Variants in ERBB4 observed in about 807,000 individuals in gnomAD.
ERBB4 encodes erb-b2 receptor tyrosine kinase 4, also known as receptor tyrosine-protein kinase erbB-4.
A neutral mutation model predicts 158.0 loss-of-function variants in ERBB4; 42 were observed. The ratio of observed to expected loss-of-function variants is 0.27; its 90% CI spans 0.21 to 0.34. The LOEUF (loss-of-function observed/expected upper bound fraction) is 0.34, where lower values mean the gene tolerates loss of function less well. ERBB4 is among the 10% of genes least tolerant of loss of function. The pLI, the probability that ERBB4 is intolerant of heterozygous loss-of-function variation, is 1.00. For synonymous variants in ERBB4, 583 were observed against 558.7 expected (o/e 1.04, Z -0.61); for missense variants, 1,333 against 1,624.1 (o/e 0.82, Z 3.08).
intron 2 of ERBB4, among the ~76,000 whole-genome samples, chr2:212,053,021 T>C (rs2077445654): frequency 6.6e-6 from 1 of 152,062 alleles, no homozygotes; most frequent in South Asian, 2.1e-4. Flanking sequence ...CTATAGCTTT[T>C]CTCCAACAGT....
At chr2:211,918,403 T>C (rs2079761114) in intron 3 of ERBB4, among the ~76,000 whole-genome samples, 1 of 152,132 alleles carries the variant, frequency 6.6e-6, no homozygotes. Context: ...CAGTTTCCAT[T>C]AGAAACTGGT....
In ERBB4 at chr2:211,579,442, T is replaced by C. The variant is rs116974344; in HGVS notation, c.2302-17354A>G. ...ATACCATTTGAGCCAGCAATTCCAT[T>C]ACTGGGTATGTACCTAAAGGAATAT... On this transcript the variant is annotated intron_variant, in intron 19 of 27. Coordinates refer to ENST00000342788, the MANE Select transcript of ERBB4 (RefSeq NM_005235.3). Among the ~76,000 whole-genome samples, 83 of 152,272 alleles carry C rather than the reference T, an allele frequency of 5.5e-4. 2 individuals are homozygous for C. The East Asian group carries it at 0.016, about 29-fold the overall frequency.
At chr2:211,907,633 T>C (rs562139970) in intron 3 of ERBB4, among the ~76,000 whole-genome samples, 2 of 151,764 alleles carry the variant, frequency 1.3e-5, no homozygotes, top group Non-Finnish European at 1.5e-5. Flanking sequence ...TGGTGCTGAA[T>C]ACTATGAGCT....
intron 4 of ERBB4, among the ~76,000 whole-genome samples, chr2:211,780,464 C>A (rs1341219703): frequency 6.6e-6 from 1 of 152,150 alleles, no homozygotes; most frequent in Non-Finnish European, 1.5e-5. Flanking sequence ...AACTAAGAGA[C>A]AAGAAAACCA....
At chr2:212,164,291 A>AT (rs200100170) in intron 1 of ERBB4, among the ~76,000 whole-genome samples, 450 of 73,988 alleles carry the variant, frequency 6.1e-3, no homozygotes, top group Middle Eastern at 0.015. Flanking sequence ...GACGTATGAT[A>AT]TTTTTAAAAA....
chr2:212,132,287 A>T (rs538562547), intron 1 of ERBB4, among the ~76,000 whole-genome samples: 1 of 152,180 alleles, frequency 6.6e-6, no homozygotes, highest in Non-Finnish European at 1.5e-5. Flanking sequence ...AAGGAGATGC[A>T]TATGGGTGCT....
intron 2 of ERBB4, among the ~76,000 whole-genome samples, chr2:212,065,783 A>G (rs1054977333): frequency 1.2e-4 from 18 of 152,084 alleles, no homozygotes; most frequent in Non-Finnish European, 2.2e-4. Flanking sequence ...GGAACGGAGT[A>G]CAGTCACTTT....
intron 3 of ERBB4, among the ~76,000 whole-genome samples, chr2:211,939,492 G>T (rs562660737): frequency 1.3e-5 from 2 of 152,084 alleles, no homozygotes; most frequent in South Asian, 4.1e-4. Flanking sequence ...CGCTGGAAGA[G>T]AACAACATGT....
chr2:211,519,549 T>C (rs1057043250), intron 20 of ERBB4, among the ~76,000 whole-genome samples: 1 of 152,048 alleles, frequency 6.6e-6, no homozygotes, highest in Admixed American at 6.6e-5. Context: ...AAAGCAAAAG[T>C]GGTTCATATT....
chr2:211,958,776 T>G lies in ERBB4; in HGVS notation c.235-11160A>C, dbSNP rs1035155269. ...AAGAATAACATTCTCTTTCTAAGGT[T>G]TATTTATGAGAAAAATATTAGCTAA... is the stretch of plus-strand genomic sequence containing the variant. On this transcript the variant is annotated intron_variant, in intron 2 of 27. Transcript: ENST00000342788. Among the ~76,000 whole-genome samples the G allele has an allele frequency of 3.9e-5, 6 of 152,234 alleles. No individual in the cohort carries two copies. In the East Asian group the frequency reaches 5.8e-4, roughly 15 times the overall value.
intron 1 of ERBB4, among the ~76,000 whole-genome samples, chr2:212,176,796 C>T (rs759772630): frequency 2.6e-5 from 4 of 151,796 alleles, no homozygotes; most frequent in East Asian, 1.9e-4. Flanking sequence ...GATCCATCTA[C>T]GTGTATGTAT....
intron 4 of ERBB4, among the ~76,000 whole-genome samples, chr2:211,783,157 T>G: frequency 6.6e-6 from 1 of 152,212 alleles, no homozygotes; most frequent in Non-Finnish European, 1.5e-5. Flanking sequence ...CACCATGATT[T>G]GGCTCTCTGT....
At position 212,003,256 on chromosome 2, in the gene ERBB4, G is replaced by GGAAGGAAGGAAA. The variant is rs1553533251; in HGVS notation, c.235-55641_235-55640insTTTCCTTCCTTC. Reference sequence around the variant, plus strand: ...AGGAAGGAAGGAAGGAAGGAAGGAAGGAAAGAGAGAGAAAGACAATACAAA... The same window carrying GGAAGGAAGGAAA: ...AGGAAGGAAGGAAGGAAGGAAGGAAGGAAGGAAGGAAAGAAAGAGAGAGAAAGACAATACAAA... On this transcript the variant is annotated intron_variant, in intron 2 of 27. Coordinates refer to ENST00000342788, the MANE Select transcript of ERBB4 (RefSeq NM_005235.3). Among the ~76,000 whole-genome samples the GGAAGGAAGGAAA allele has an allele frequency of 2.1e-4, 19 of 92,448 alleles. 1 individual carries two copies. The highest frequency in any genetic ancestry group is 5.9e-4 in the Admixed American group (5 of 8,418). The allele number at this position is 92,448 out of a possible 152,430, so 60.6% of individuals were successfully genotyped here.
rs543811556 is a variant in ERBB4, at chr2:212,341,818, G to A, written c.82+196631C>T. Among the ~76,000 whole-genome samples the A allele has an allele frequency of 2.6e-5, 4 of 152,260 alleles. No homozygotes were observed. In the South Asian group the frequency reaches 8.3e-4, roughly 32 times the overall value. On this transcript the variant is annotated intron_variant, in intron 1 of 27. Coordinates refer to ENST00000342788, the MANE Select transcript of ERBB4 (RefSeq NM_005235.3). Reference sequence around the variant, plus strand: ...CCTTGGGCTTCAAAGGACCAACATAGAGCTAATTGCAAGGGAACCAGTAGG... The same window carrying A: ...CCTTGGGCTTCAAAGGACCAACATAAAGCTAATTGCAAGGGAACCAGTAGG...
chr2:212,180,855 G>A (rs10497962), intron 1 of ERBB4, among the ~76,000 whole-genome samples: 27,059 of 151,498 alleles, frequency 0.18, 2,721 homozygotes, highest in Non-Finnish European at 0.22. Flanking sequence ...TTACTGACAA[G>A]TAGTTATGGC....
rs1174454964 is a variant in ERBB4, at chr2:212,015,061, T to A, written c.235-67445A>T. Among the ~76,000 whole-genome samples the A allele has an allele frequency of 4.5e-3, 7 of 1,550 alleles. 1 individual carries two copies. The Non-Finnish European group carries it at 0.06, about 13-fold the overall frequency. The allele number at this position is 1,550 out of a possible 152,430, so 1.0% of individuals were successfully genotyped here. A position where few individuals can be genotyped will look rare whatever the true frequency, so the allele number is the denominator to read the frequency against. ...AAAAAAATATATATATATATATATA[T>A]ATATATATATATATATATATATATA... On this transcript the variant is annotated intron_variant, in intron 2 of 27. Coordinates refer to ENST00000342788, the MANE Select transcript of ERBB4 (RefSeq NM_005235.3).
intron 3 of ERBB4, among the ~76,000 whole-genome samples, chr2:211,932,576 G>A (rs561191820): frequency 9.9e-5 from 15 of 151,868 alleles, no homozygotes; most frequent in Non-Finnish European, 1.9e-4. Context: ...ATTTGAGGGG[G>A]GAGTGTCCAT....
chr2:211,401,669 G>A (rs2125355226), intron 25 of ERBB4, among the ~76,000 whole-genome samples: 1 of 152,080 alleles, frequency 6.6e-6, no homozygotes, highest in South Asian at 2.1e-4. Context: ...GAGATCTGAA[G>A]CCTTTTGTAG....
At chr2:211,555,344 C>T (rs1306726154) in intron 20 of ERBB4, among the ~76,000 whole-genome samples, 1 of 152,128 alleles carries the variant, frequency 6.6e-6, no homozygotes, top group Admixed American at 6.5e-5. Flanking sequence ...TGCCCCTATG[C>T]CCGGCTAATT....
Sources: gnomAD v4.1 joint callset for allele counts (sites outside exome capture counted in the v4.1 genomes callset) on GRCh38, gnomAD v4.1.1 for gene constraint, MANE v1.5 for transcripts, NCBI Gene and HGNC (gene_info 2026-07-23, HGNC 2026-07-21) for gene names.